Variants in PHTF2 observed in about 807,000 individuals in gnomAD.
PHTF2 encodes putative homeodomain transcription factor 2.
A neutral mutation model predicts 101.2 loss-of-function variants in PHTF2; 60 were observed. The observed-to-expected ratio is 0.59, with a 90% CI of 0.48 to 0.73. The LOEUF is 0.73. Among genes scored for constraint, PHTF2 ranks in the 30% least tolerant of loss-of-function variants. The pLI, the probability that PHTF2 is intolerant of heterozygous loss-of-function variation, is 0.00. For missense variants in PHTF2, 747 were observed against 908.7 expected (o/e 0.82, Z 2.29); for synonymous variants, 311 against 307.3 (o/e 1.01, Z -0.13).
intron 12 of PHTF2, among the ~76,000 whole-genome samples, chr7:77,934,864 C>T (rs1804939681): frequency 1.3e-5 from 2 of 151,738 alleles, no homozygotes; most frequent in African/African-American, 4.8e-5. Context: ...GAGGCTGAGG[C>T]ATGAGCATTG....
At chr7:77,892,093 C>T (rs1044629757) in intron 3 of PHTF2, among the ~76,000 whole-genome samples, 16 of 152,122 alleles carry the variant, frequency 1.1e-4, no homozygotes, top group African/African-American at 2.7e-4. Context: ...CTGGCTAATG[C>T]GGTGAAACAC....
Position 77,846,577 on chromosome 7 carries a change from G to A in PHTF2, c.45+6277G>A, listed in dbSNP as rs1457100688. Among the ~76,000 whole-genome samples, 197 of 24,098 alleles carry A rather than the reference G, an allele frequency of 8.2e-3. 1 individual carries two copies. Among genetic ancestry groups the A allele is most frequent in the African/African-American group, 0.012 (76 of 6,340 alleles). The allele number at this position is 24,098 out of a possible 152,430, so 15.8% of individuals were successfully genotyped here. A position where few individuals can be genotyped will look rare whatever the true frequency, so the allele number is the denominator to read the frequency against. On this transcript the variant is annotated intron_variant, in intron 2 of 19. Transcript: ENST00000416283. Reference sequence around the variant, plus strand: ...CCCTCCCCTCCCCTCGCCTCCCCTCGCCTCCCCTCGCCTCCCCTCGCCTCC... The same window carrying A: ...CCCTCCCCTCCCCTCGCCTCCCCTCACCTCCCCTCGCCTCCCCTCGCCTCC...
chr7:77,805,310 A>G (rs975638518), intron 1 of PHTF2, among the ~76,000 whole-genome samples: 2 of 151,906 alleles, frequency 1.3e-5, no homozygotes, highest in South Asian at 2.1e-4. Context: ...TTTCTCTCCT[A>G]TTCTCCTGGC....
intron 3 of PHTF2, among the ~76,000 whole-genome samples, chr7:77,863,249 G>A (rs1797788013): frequency 6.6e-6 from 1 of 152,176 alleles, no homozygotes; most frequent in South Asian, 2.1e-4. Flanking sequence ...GGAGAAGGGG[G>A]ATAGTGTAAT....
intron 3 of PHTF2, among the ~76,000 whole-genome samples, chr7:77,877,277 TG>T (rs1330405426): frequency 6.6e-6 from 1 of 152,046 alleles, no homozygotes; most frequent in African/African-American, 2.4e-5. Flanking sequence ...GGCTAATTTT[TG>T]TATTTTCAGT....
In PHTF2 at chr7:77,953,461, C is replaced by T. The variant is rs151142300; in HGVS notation, c.2212-308C>T. On this transcript the variant is annotated intron_variant, in intron 18 of 19. Coordinates refer to ENST00000416283, the Ensembl canonical transcript of PHTF2. Reference sequence around the variant, plus strand: ...TCTACCGAAAGGTATTGTTCTCTTTCGGTTTCTAGTCTAGTTCTTATATTA... The same window carrying T: ...TCTACCGAAAGGTATTGTTCTCTTTTGGTTTCTAGTCTAGTTCTTATATTA... Among the ~76,000 whole-genome samples, 25 of 152,234 alleles carry T rather than the reference C, an allele frequency of 1.6e-4. No individual in the cohort carries two copies. In the East Asian group the frequency reaches 3.3e-3, roughly 20 times the overall value.
chr7:77,827,621 G>T (rs1197527943), intron 1 of PHTF2, among the ~76,000 whole-genome samples: 1 of 152,094 alleles, frequency 6.6e-6, no homozygotes, highest in Non-Finnish European at 1.5e-5. Context: ...CAGAGTGCTG[G>T]GATTACAGGT....
At chr7:77,949,189 GAAATT>G (rs1806326770) in intron 16 of PHTF2, among the ~76,000 whole-genome samples, 2 of 151,740 alleles carry the variant, frequency 1.3e-5, no homozygotes, top group South Asian at 4.2e-4. Context: ...GGAATAAAAA[GAAATT>G]AAAGAATGAT....
chr7:77,886,285 T>C (rs1799841438), intron 3 of PHTF2, among the ~76,000 whole-genome samples: 1 of 152,228 alleles, frequency 6.6e-6, no homozygotes, highest in Non-Finnish European at 1.5e-5. Flanking sequence ...CTAAAATTCC[T>C]AAGTGATACG....
At chr7:77,852,489 C>T (rs966798681) in intron 2 of PHTF2, among the ~76,000 whole-genome samples, 1 of 152,134 alleles carries the variant, frequency 6.6e-6, no homozygotes, top group Non-Finnish European at 1.5e-5. Context: ...CAAGCAAATG[C>T]CCCTTGCTTT....
At chr7:77,874,461 C>T (rs528071019) in intron 3 of PHTF2, among the ~76,000 whole-genome samples, 67 of 152,012 alleles carry the variant, frequency 4.4e-4, no homozygotes, top group African/African-American at 1.4e-3. Context: ...CACAATAGAC[C>T]GTCTGCAAGC....
At chr7:77,883,314 G>A (rs1270783734) in intron 3 of PHTF2, among the ~76,000 whole-genome samples, 1 of 152,078 alleles carries the variant, frequency 6.6e-6, no homozygotes, top group East Asian at 1.9e-4. Flanking sequence ...TGGCCCAGAT[G>A]TCTCTTATTT....
chr7:77,951,736 T>C (rs1448876401), intron 18 of PHTF2, 24 bp downstream of exon 17: 2 of 963,160 alleles, frequency 2.1e-6, no homozygotes. Context: ...TGAAAATGGT[T>C]ATAATGTCAA....
intron 9 of PHTF2, among the ~76,000 whole-genome samples, chr7:77,916,953 C>T (rs1463949686): frequency 6.6e-6 from 1 of 152,160 alleles, no homozygotes; most frequent in South Asian, 2.1e-4. Context: ...TCGTGACCCA[C>T]TTATTATCCT....
At chr7:77,840,403 ATTATTT>A (rs1795779079) in intron 2 of PHTF2, 103 bp downstream of exon 2, 2 of 687,926 alleles carry the variant, frequency 2.9e-6, no homozygotes, top group South Asian at 1.9e-5. Flanking sequence ...GGAAAGGAAG[ATTATTT>A]TTATTTTTCT....
At chr7:77,900,869 G>A in intron 6 of PHTF2, 89 bp downstream of exon 5, 1 of 715,228 alleles carries the variant, frequency 1.4e-6, no homozygotes, top group Non-Finnish European at 2.5e-6. Flanking sequence ...GTATTAGGCT[G>A]TTTTGCATTG....
At position 77,870,432 on chromosome 7, in the gene PHTF2, G is replaced by T. The variant is rs1033585858; in HGVS notation, c.147+15598G>T. Among the ~76,000 whole-genome samples, 5 of 152,138 alleles carry T rather than the reference G, an allele frequency of 3.3e-5. No individual in the cohort carries two copies. The South Asian group carries it at 1.0e-3, about 32-fold the overall frequency. On this transcript the variant is annotated intron_variant, in intron 3 of 19. Transcript: ENST00000416283. ...TCCAAAACTGAAGAACTTGGAATCC[G>T]CTGTTCAAGGGCAGGAAGCATCCAG...
intron 2 of PHTF2, among the ~76,000 whole-genome samples, chr7:77,843,634 T>C (rs1037032404): frequency 6.6e-6 from 1 of 152,274 alleles, no homozygotes; most frequent in Non-Finnish European, 1.5e-5. Context: ...GCAGCTGTAC[T>C]TACTGATTAT....
At chr7:77,856,751 A>G (rs1554361510) in intron 3 of PHTF2, among the ~76,000 whole-genome samples, 1 of 152,100 alleles carries the variant, frequency 6.6e-6, no homozygotes, top group Non-Finnish European at 1.5e-5. Flanking sequence ...GTTATAATGT[A>G]TTAGGTATTA....
Sources: allele counts gnomAD v4.1 joint callset (sites outside exome capture counted in the v4.1 genomes callset), GRCh38; gene constraint gnomAD v4.1.1; transcripts MANE v1.5; gene names NCBI Gene and HGNC (gene_info 2026-07-23, HGNC 2026-07-21).